Variants in TMEM117 observed in about 807,000 individuals in gnomAD.
TMEM117 encodes transmembrane protein 117.
Under a neutral mutation model 52.4 loss-of-function variants are expected in TMEM117, and 27 were observed. The ratio of observed to expected loss-of-function variants is 0.51; its 90% CI spans 0.38 to 0.71. The LOEUF (loss-of-function observed/expected upper bound fraction) is 0.71, where lower values mean the gene tolerates loss of function less well. Among genes scored for constraint, TMEM117 ranks in the 30% least tolerant of loss-of-function variants. TMEM117 has a pLI of 0.00. For synonymous variants in TMEM117, 215 were observed against 206.3 expected, an observed-to-expected ratio of 1.04 and a Z score of -0.36; for missense variants, 556 against 630.5, an observed-to-expected ratio of 0.88 and a Z score of 1.26.
chr12:44,087,171 A>C (rs910343639), intron 3 of TMEM117, among the ~76,000 whole-genome samples: 1 of 151,516 alleles, frequency 6.6e-6, no homozygotes, highest in African/African-American at 2.4e-5. Context: ...AAATTAGTAC[A>C]CTTTAGTTCC....
chr12:43,981,303 GGTTTTAGC>G (rs1945756283), intron 3 of TMEM117, among the ~76,000 whole-genome samples: 2 of 152,184 alleles, frequency 1.3e-5, no homozygotes, highest in Admixed American at 1.3e-4. Context: ...GTTCAATCTG[GGTTTTAGC>G]TTGGGGAATA....
chr12:44,375,241 T>C (rs1951925641), intron 6 of TMEM117, among the ~76,000 whole-genome samples: 1 of 152,158 alleles, frequency 6.6e-6, no homozygotes, highest in Non-Finnish European at 1.5e-5. Flanking sequence ...TGCGTTGGGT[T>C]TTATGAACCT....
the TMEM117 span, among the ~76,000 whole-genome samples, chr12:43,815,563 A>G: frequency 6.6e-6 from 1 of 152,254 alleles, no homozygotes; most frequent in East Asian, 1.9e-4. Flanking sequence ...GGAAACAGCA[A>G]CAGCAGATCA....
intron 6 of TMEM117, among the ~76,000 whole-genome samples, chr12:44,346,549 A>G (rs913768284): frequency 1.3e-5 from 2 of 152,060 alleles, no homozygotes; most frequent in Non-Finnish European, 2.9e-5. Context: ...AAAAGTACTC[A>G]TTGGGTCTAT....
intron 3 of TMEM117, chr12:44,073,727 T>C (rs570071292): frequency 6.6e-6 from 1 of 152,318 alleles, no homozygotes; most frequent in Admixed American, 6.5e-5. Flanking sequence ...GTCTCGAAGA[T>C]ATGGTGTAGA....
chr12:44,108,329 A>G (rs1218331658), intron 3 of TMEM117, among the ~76,000 whole-genome samples: 1 of 129,188 alleles, frequency 7.7e-6, no homozygotes, highest in Non-Finnish European at 1.6e-5. Context: ...AGCATTAGGT[A>G]TATCTCCCAA....
intron 6 of TMEM117, among the ~76,000 whole-genome samples, chr12:44,335,166 G>A (rs1264676543): frequency 6.6e-6 from 1 of 151,950 alleles, no homozygotes; most frequent in African/African-American, 2.4e-5. Context: ...GATTGTCAGT[G>A]GAAACTAACA....
At chr12:43,832,282 T>A (rs76030944), upstream of TMEM117, among the ~76,000 whole-genome samples, 1,186 of 152,332 alleles carry the variant, frequency 7.8e-3, 27 homozygotes, top group East Asian at 0.042. Context: ...TAATGTTTGA[T>A]AGGAAGGAAG....
chr12:44,259,770 A>G (rs1373847885), intron 5 of TMEM117, among the ~76,000 whole-genome samples: 1 of 152,222 alleles, frequency 6.6e-6, no homozygotes. Flanking sequence ...TATTTGAATT[A>G]GAAAAAAAGC....
At chr12:44,114,929 A>T (rs1376176919) in intron 3 of TMEM117, among the ~76,000 whole-genome samples, 1 of 152,228 alleles carries the variant, frequency 6.6e-6, no homozygotes, top group East Asian at 1.9e-4. Context: ...TGAATAAAAT[A>T]TCTCTTTAAT....
rs74084480 is a variant in TMEM117, at chr12:44,300,247, C to A, written c.768+508C>A. On this transcript the variant is annotated intron_variant, in intron 6 of 7. Coordinates refer to ENST00000266534, the MANE Select transcript of TMEM117 (RefSeq NM_032256.3). ...AGAGATCATTCCATTTTCATGTAAA[C>A]CATATTTCTGCCCTGCTTAGCAACA... 2.6e-5 allele frequency among the ~76,000 whole-genome samples: 4 copies of A among 152,302 alleles called. No homozygotes were observed. In the East Asian group the frequency reaches 5.8e-4, roughly 22 times the overall value.
intron 3 of TMEM117, among the ~76,000 whole-genome samples, chr12:43,946,376 C>G (rs200338856): frequency 0.012 from 520 of 42,318 alleles, 13 homozygotes; most frequent in Admixed American, 0.097. Context: ...TGATATAATT[C>G]TGTTTTTTTT....
At chr12:44,070,691 G>A (rs982980915) in intron 3 of TMEM117, among the ~76,000 whole-genome samples, 1 of 152,146 alleles carries the variant, frequency 6.6e-6, no homozygotes, top group Non-Finnish European at 1.5e-5. Flanking sequence ...TGATGACAGG[G>A]CAGAGACTAA....
At chr12:43,821,924 C>T in the TMEM117 span, among the ~76,000 whole-genome samples, 1 of 152,154 alleles carries the variant, frequency 6.6e-6, no homozygotes, top group Non-Finnish European at 1.5e-5. Flanking sequence ...AGGTGTCAGC[C>T]ATGATGGCCT....
At chr12:43,801,763 C>T in the TMEM117 span, among the ~76,000 whole-genome samples, 3 of 152,178 alleles carry the variant, frequency 2.0e-5, no homozygotes, top group African/African-American at 7.2e-5. Flanking sequence ...GACACAGTGG[C>T]TCATACCTGT....
intron 6 of TMEM117, among the ~76,000 whole-genome samples, chr12:44,321,703 C>T (rs1425042189): frequency 2.6e-5 from 4 of 152,036 alleles, no homozygotes; most frequent in Non-Finnish European, 5.9e-5. Flanking sequence ...CTATGCCTAA[C>T]GAAGTACAAC....
At chr12:44,307,630 A>T (rs1455421670) in intron 6 of TMEM117, among the ~76,000 whole-genome samples, 1 of 152,214 alleles carries the variant, frequency 6.6e-6, no homozygotes. Flanking sequence ...TTCCCTCATT[A>T]CTGCTAGTAC....
intron 3 of TMEM117, among the ~76,000 whole-genome samples, chr12:44,040,138 G>C (rs1946774535): frequency 6.6e-6 from 1 of 152,104 alleles, no homozygotes. Context: ...GAATGGGGGA[G>C]TTGAGAAGAG....
At chr12:44,380,464 A>G (rs1381548754) in intron 7 of TMEM117, among the ~76,000 whole-genome samples, 14 of 152,294 alleles carry the variant, frequency 9.2e-5, no homozygotes, top group South Asian at 4.1e-4. Context: ...CTTGGCCCCA[A>G]TCTACCATGT....
Sources: allele counts gnomAD v4.1 joint callset (sites outside exome capture counted in the v4.1 genomes callset), GRCh38; gene constraint gnomAD v4.1.1; transcripts MANE v1.5; gene names NCBI Gene and HGNC (gene_info 2026-07-23, HGNC 2026-07-21).